The following VWA2 variants were observed in gnomAD, a reference collection of about 807,000 sequenced individuals.
The protein encoded by VWA2 is von Willebrand factor A domain-containing protein 2.
VWA2 carries 73 observed loss-of-function variants against 70.4 expected under a neutral mutation model. The observed-to-expected ratio is 1.04, with a 90% confidence interval of 0.86 to 1.26. The LOEUF (loss-of-function observed/expected upper bound fraction) is 1.26. Among genes scored for constraint, VWA2 ranks in the 50% most tolerant of loss-of-function variants. The pLI is 0.00. For synonymous variants in VWA2, 407 were observed against 423.3 expected (o/e 0.96, Z 0.47); for missense variants, 1,011 against 998.5 (o/e 1.01, Z -0.17).
At chr10:114,241,586 T>C (rs551359634) in intron 1 of VWA2, among the ~76,000 whole-genome samples, 1 of 152,318 alleles carries the variant, frequency 6.6e-6, no homozygotes, top group South Asian at 2.1e-4. Context: ...AAGCTTGTGG[T>C]GAAAATGCCT....
chr10:114,282,095 T>C (rs11196679), intron 8 of VWA2, among the ~76,000 whole-genome samples: 106,634 of 149,778 alleles, frequency 0.71, 38,097 homozygotes, highest in East Asian at 0.8. Context: ...CCGCAACCTC[T>C]GCCTCCTGGG....
chr10:114,277,892 C>G, intron 6 of VWA2, 22 bp from the exon 7 acceptor site: 1 of 1,589,926 alleles, frequency 6.3e-7, no homozygotes, highest in Middle Eastern at 2.2e-4. Context: ...GGACCACAAG[C>G]TGTTACAACC....
chr10:114,249,325 C>G (rs1266390011), intron 2 of VWA2, among the ~76,000 whole-genome samples: 1 of 152,182 alleles, frequency 6.6e-6, no homozygotes, highest in East Asian at 1.9e-4. Context: ...GGCGCAATCT[C>G]TGCTCACTGT....
chr10:114,287,916 T>A (rs1179471331), intron 11 of VWA2, among the ~76,000 whole-genome samples: 3 of 152,164 alleles, frequency 2.0e-5, no homozygotes, highest in African/African-American at 7.2e-5. Context: ...CAGAATCCCA[T>A]CCAGGACCCC....
chr10:114,269,852 G>A (rs1404644235), intron 5 of VWA2, among the ~76,000 whole-genome samples: 1 of 152,180 alleles, frequency 6.6e-6, no homozygotes, highest in Non-Finnish European at 1.5e-5. Context: ...ACATAGCCAG[G>A]AGGCCATAGG....
chr10:114,257,389 T>C (rs1380669307), intron 4 of VWA2, among the ~76,000 whole-genome samples: 1 of 152,214 alleles, frequency 6.6e-6, no homozygotes, highest in East Asian at 1.9e-4. Flanking sequence ...TAAACACTGT[T>C]GACCTTGGCA....
chr10:114,290,899 G>A (rs2039526978), intron 13 of VWA2, among the ~76,000 whole-genome samples: 1 of 152,158 alleles, frequency 6.6e-6, no homozygotes, highest in Non-Finnish European at 1.5e-5. Context: ...AACAGATTAG[G>A]ACCTAGAGAG....
chr10:114,272,673 T>A (rs919510103), intron 5 of VWA2, 67 bp from the exon 6 acceptor site: 1 of 1,402,076 alleles, frequency 7.1e-7, no homozygotes, highest in Non-Finnish European at 9.6e-7. Flanking sequence ...GATTTCAGAC[T>A]CTCATCCCAA....
At chr10:114,285,834 T>C (rs1054350565) in intron 10 of VWA2, 105 bp from the exon 11 acceptor site, 1 of 1,263,808 alleles carries the variant, frequency 7.9e-7, no homozygotes, top group African/African-American at 1.5e-5. Flanking sequence ...GCCCACAGTT[T>C]CTCTGCACCA....
intron 4 of VWA2, among the ~76,000 whole-genome samples, chr10:114,258,944 A>G (rs936833084): frequency 6.6e-6 from 1 of 152,206 alleles, no homozygotes; most frequent in Non-Finnish European, 1.5e-5. Context: ...ATGTTTCATC[A>G]TAAGGATTTC....
intron 11 of VWA2, among the ~76,000 whole-genome samples, chr10:114,288,304 C>T (rs972003206): frequency 2.2e-4 from 34 of 152,212 alleles, no homozygotes; most frequent in Admixed American, 1.0e-3. Context: ...TCCACGCTGC[C>T]GACATCATTT....
intron 5 of VWA2, among the ~76,000 whole-genome samples, chr10:114,265,841 G>A (rs987466533): frequency 2.6e-5 from 4 of 152,186 alleles, no homozygotes; most frequent in Non-Finnish European, 5.9e-5. Context: ...CAACAAACAA[G>A]GAAAGGAGGC....
chr10:114,253,789 G>A (rs1452714869), intron 3 of VWA2, 64 bp downstream of exon 3: 2 of 1,449,256 alleles, frequency 1.4e-6, no homozygotes, highest in African/African-American at 1.4e-5. Context: ...TGGACTGGAT[G>A]AGAACCATGT....
At chr10:114,239,632 C>T (rs2133268302) in intron 1 of VWA2, 63 bp downstream of exon 1, 1 of 152,430 alleles carries the variant, frequency 6.6e-6, no homozygotes, top group East Asian at 1.9e-4. Flanking sequence ...CTGCCGATGA[C>T]CGATTCACGC....
chr10:114,289,047 G>A lies in VWA2; in HGVS notation c.1680G>A (p.Gln560=). 1.2e-6 allele frequency: 2 copies of A among 1,614,204 alleles called. No individual in the cohort carries two copies. Among genetic ancestry groups the A allele is most frequent in the Non-Finnish European group, 1.7e-6 (2 of 1,180,038 alleles). ...MQSFVRSCAL[Q]FEVNPDVTQV... ...GCTTTGTGAGAAGCTGTGCCCTCCA[G>A]TTTGAGGTGAACCCTGACGTGACAC... Residue 560 remains glutamine, a synonymous_variant, in exon 12 of 14, where the codon CAG becomes CAA. Coordinates refer to ENST00000392982, the MANE Select transcript of VWA2 (RefSeq NM_001272046.2).
intron 1 of VWA2, among the ~76,000 whole-genome samples, chr10:114,242,320 A>C (rs963985184): frequency 1.3e-5 from 2 of 152,180 alleles, no homozygotes; most frequent in African/African-American, 4.8e-5. Context: ...GGAAATTGAG[A>C]GACTGAAGTG....
At chr10:114,242,488 C>G (rs923577878) in intron 1 of VWA2, among the ~76,000 whole-genome samples, 1 of 152,154 alleles carries the variant, frequency 6.6e-6, no homozygotes, top group African/African-American at 2.4e-5. Context: ...CCTCTGCATA[C>G]CGCAGTGCCC....
chr10:114,243,285 T>C (rs1287069770), intron 1 of VWA2, among the ~76,000 whole-genome samples: 1 of 152,200 alleles, frequency 6.6e-6, no homozygotes, highest in African/African-American at 2.4e-5. Context: ...GGTGCGGACT[T>C]TTGGTTGTTA....
At chr10:114,253,444 T>A (rs1297275900) in intron 2 of VWA2, among the ~76,000 whole-genome samples, 1 of 146,140 alleles carries the variant, frequency 6.8e-6, no homozygotes, top group Non-Finnish European at 1.5e-5. Flanking sequence ...TACCCACATT[T>A]AAATACAAAG....
Sources: allele counts gnomAD v4.1 joint callset (sites outside exome capture counted in the v4.1 genomes callset), GRCh38; gene constraint gnomAD v4.1.1; transcripts MANE v1.5; gene names NCBI Gene and HGNC (gene_info 2026-07-23, HGNC 2026-07-21).